WDR70: variants seen among roughly 807,000 people sequenced by gnomAD.
WDR70 encodes WD repeat-containing protein 70.
In WDR70, 53 loss-of-function variants were observed where a neutral mutation model predicts 88.6. That is an observed-to-expected ratio of 0.60 (90% confidence interval 0.48 to 0.75). WDR70 has a LOEUF of 0.75. Among genes scored for constraint, WDR70 ranks in the 30% least tolerant of loss-of-function variants. The pLI is 0.00. For missense variants in WDR70, 610 were observed against 823.2 expected (o/e 0.74, Z 3.17); for synonymous variants, 280 against 270.0 (o/e 1.04, Z -0.36).
intron 9 of WDR70, among the ~76,000 whole-genome samples, chr5:37,568,706 T>C (rs1377079973): frequency 1.3e-5 from 2 of 152,054 alleles, no homozygotes; most frequent in African/African-American, 4.8e-5. Context: ...CTGTGTAGGG[T>C]CAGGTAGGTA....
At chr5:37,660,619 G>C (rs1745675573) in intron 10 of WDR70, among the ~76,000 whole-genome samples, 1 of 151,880 alleles carries the variant, frequency 6.6e-6, no homozygotes, top group Non-Finnish European at 1.5e-5. Flanking sequence ...GCTTCTGCAG[G>C]TTACTTTTGA....
At chr5:37,439,702 A>G (rs1257147883) in intron 6 of WDR70, among the ~76,000 whole-genome samples, 7 of 151,422 alleles carry the variant, frequency 4.6e-5, no homozygotes, top group Admixed American at 2.6e-4. Context: ...GTTGGATTAG[A>G]AGGTGACTTT....
intron 5 of WDR70, among the ~76,000 whole-genome samples, chr5:37,402,767 G>A (rs1320045402): frequency 1.2e-4 from 18 of 151,574 alleles, no homozygotes. Context: ...CCATATATTG[G>A]TACCTGTTAA....
At chr5:37,448,263 C>A (rs1738561841) in intron 7 of WDR70, among the ~76,000 whole-genome samples, 1 of 152,068 alleles carries the variant, frequency 6.6e-6, no homozygotes, top group Non-Finnish European at 1.5e-5. Flanking sequence ...CCTTATTAGT[C>A]TTTAAAACTT....
chr5:37,541,231 T>C (rs10071775), intron 9 of WDR70, among the ~76,000 whole-genome samples: 6,611 of 152,286 alleles, frequency 0.043, 481 homozygotes, highest in African/African-American at 0.15. Flanking sequence ...AATGGAAGAA[T>C]TGATTACTTT....
intron 9 of WDR70, among the ~76,000 whole-genome samples, chr5:37,575,836 T>C (rs6884786): frequency 0.035 from 5,278 of 152,222 alleles, 318 homozygotes; most frequent in African/African-American, 0.12. Context: ...AAACTTGCGA[T>C]TGGCATCTGA....
At chr5:37,727,151 A>G in intron 17 of WDR70, 106 bp downstream of exon 17, 4 of 1,390,118 alleles carry the variant, frequency 2.9e-6, no homozygotes, top group African/African-American at 1.5e-5. Flanking sequence ...CTTATTTCAT[A>G]CTTAGATATG....
intron 10 of WDR70, among the ~76,000 whole-genome samples, chr5:37,690,901 A>C (rs1746773418): frequency 6.6e-6 from 1 of 152,212 alleles, no homozygotes; most frequent in Non-Finnish European, 1.5e-5. Flanking sequence ...AAATGGGCTA[A>C]ATGCCCCAAT....
chr5:37,701,561 G>A (rs1002106216), intron 12 of WDR70, among the ~76,000 whole-genome samples: 2 of 151,912 alleles, frequency 1.3e-5, no homozygotes, highest in Non-Finnish European at 2.9e-5. Flanking sequence ...AGGCCGAGGC[G>A]GGCAGATCAC....
At chr5:37,549,978 C>A (rs1742097328) in intron 9 of WDR70, among the ~76,000 whole-genome samples, 1 of 151,950 alleles carries the variant, frequency 6.6e-6, no homozygotes, top group Non-Finnish European at 1.5e-5. Flanking sequence ...TCTGGTGTCT[C>A]AACTTCCCAA....
At chr5:37,481,844 A>G (rs1217790896) in intron 8 of WDR70, among the ~76,000 whole-genome samples, 2 of 152,208 alleles carry the variant, frequency 1.3e-5, no homozygotes, top group African/African-American at 4.8e-5. Context: ...TTTGCTGCTT[A>G]GAAATGTCTT....
intron 9 of WDR70, among the ~76,000 whole-genome samples, chr5:37,553,969 G>A (rs1193485271): frequency 6.6e-6 from 1 of 152,120 alleles, no homozygotes; most frequent in Non-Finnish European, 1.5e-5. Flanking sequence ...ATTATTGTTA[G>A]TATTATTGAA....
intron 7 of WDR70, among the ~76,000 whole-genome samples, chr5:37,474,951 CTCT>C (rs1739433344): frequency 2.0e-5 from 3 of 152,022 alleles, no homozygotes; most frequent in Admixed American, 6.6e-5. Context: ...CAGAGTCTTG[CTCT>C]ATTGCCCAGG....
chr5:37,441,285 C>T (rs1240288188), intron 6 of WDR70, among the ~76,000 whole-genome samples: 2 of 152,048 alleles, frequency 1.3e-5, no homozygotes, highest in African/African-American at 4.8e-5. Flanking sequence ...ATTGTTCGGG[C>T]ATAAAAAATG....
intron 17 of WDR70, among the ~76,000 whole-genome samples, chr5:37,728,371 A>C (rs11747863): frequency 2.0e-5 from 3 of 150,136 alleles, no homozygotes; most frequent in Non-Finnish European, 4.4e-5. Flanking sequence ...AAACAAAAAA[A>C]AAAAACAAAC....
chr5:37,671,667 C>A (rs892831878), intron 10 of WDR70, among the ~76,000 whole-genome samples: 1 of 152,040 alleles, frequency 6.6e-6, no homozygotes. Flanking sequence ...GCATTTTGAC[C>A]ATTTTGAAGA....
chr5:37,700,776 C>G (rs1314227711), intron 11 of WDR70, among the ~76,000 whole-genome samples: 1 of 152,200 alleles, frequency 6.6e-6, no homozygotes, highest in Non-Finnish European at 1.5e-5. Flanking sequence ...GCAGATGCTA[C>G]ATCTATCTGG....
At chr5:37,519,419 C>T (rs869288998) in intron 9 of WDR70, among the ~76,000 whole-genome samples, 37 of 139,710 alleles carry the variant, frequency 2.6e-4, no homozygotes, top group Admixed American at 5.8e-4. Context: ...ACTTCCCAGA[C>T]GGGGCGGCCG....
chr5:37,645,776 T>C (rs368348493), intron 10 of WDR70, among the ~76,000 whole-genome samples: 1 of 152,102 alleles, frequency 6.6e-6, no homozygotes, highest in Non-Finnish European at 1.5e-5. Flanking sequence ...TTGTCTGTTA[T>C]AAACATATCT....
Sources: allele counts gnomAD v4.1 joint callset (sites outside exome capture counted in the v4.1 genomes callset), GRCh38; gene constraint gnomAD v4.1.1; transcripts MANE v1.5; gene names NCBI Gene and HGNC (gene_info 2026-07-23, HGNC 2026-07-21).